Variants in NAALADL2 observed in about 807,000 individuals in gnomAD.
NAALADL2 encodes the protein inactive N-acetylated-alpha-linked acidic dipeptidase-like protein 2.
In NAALADL2, 76 loss-of-function variants were observed where a neutral mutation model predicts 87.2. The observed-to-expected ratio is 0.87, with a 90% CI of 0.72 to 1.05. The LOEUF (loss-of-function observed/expected upper bound fraction) is 1.05, where lower values mean the gene tolerates loss of function less well. NAALADL2 is among the 50% of genes least tolerant of loss of function. The probability of loss-of-function intolerance (pLI) is 0.00; values close to 1 mark genes in which losing one functional copy is unlikely to be tolerated. For missense variants in NAALADL2, 1,089 were observed against 945.8 expected, an observed-to-expected ratio of 1.15 and a Z score of -1.99; for synonymous variants, 354 against 331.0, an observed-to-expected ratio of 1.07 and a Z score of -0.75.
chr3:174,561,006 A>G (rs753560905), intron 2 of NAALADL2, among the ~76,000 whole-genome samples: 4 of 152,156 alleles, frequency 2.6e-5, no homozygotes, highest in Non-Finnish European at 5.9e-5. Flanking sequence ...GGCTTAATTC[A>G]GGACAATGGT....
At position 174,944,438 on chromosome 3, in the gene NAALADL2, C is replaced by T. The variant is rs145502400; in HGVS notation, c.43+84988C>T. Among the ~76,000 whole-genome samples the T allele has an allele frequency of 5.3e-5, 8 of 152,248 alleles. No homozygotes were observed. The South Asian group carries it at 8.3e-4, about 16-fold the overall frequency. On this transcript the variant is annotated intron_variant, in intron 1 of 13. Coordinates refer to ENST00000454872, the MANE Select transcript of NAALADL2 (RefSeq NM_207015.3). The stretch of plus-strand genomic sequence containing the variant: ...CAAAGATGTTGGCCCACCCCTCCCC[C>T]GGGAGCTCTGTCTCAGGGAGGTACA...
At chr3:174,471,202 T>G (rs922127149) in intron 1 of NAALADL2, among the ~76,000 whole-genome samples, 3 of 151,956 alleles carry the variant, frequency 2.0e-5, no homozygotes, top group African/African-American at 4.8e-5. Context: ...GGTTAAAACC[T>G]TACTTTTTTT....
intron 1 of NAALADL2, among the ~76,000 whole-genome samples, chr3:174,531,507 A>T (rs1229701919): frequency 1.3e-5 from 2 of 152,162 alleles, no homozygotes; most frequent in African/African-American, 4.8e-5. Context: ...TTGTGGGTAG[A>T]ATTTATCAGG....
chr3:175,390,688 T>TA lies in NAALADL2; in HGVS notation c.1091-56536dup, dbSNP rs1290437306. Among the ~76,000 whole-genome samples, 18 of 152,260 alleles carry TA rather than the reference T, an allele frequency of 1.2e-4. 1 individual carries two copies. In the South Asian group the frequency reaches 3.7e-3, roughly 32 times the overall value. On this transcript the variant is annotated intron_variant, in intron 5 of 13. Coordinates refer to ENST00000454872, the MANE Select transcript of NAALADL2 (RefSeq NM_207015.3). Reference sequence around the variant, plus strand: ...TCTCCAAGAGTAGCTTTTTTTCTGGTAAAAAGACATTTTTATAAATAGAAA... The same window carrying TA: ...TCTCCAAGAGTAGCTTTTTTTCTGGTAAAAAAGACATTTTTATAAATAGAAA...
At chr3:174,770,413 C>T (rs567420291) in intron 3 of NAALADL2, among the ~76,000 whole-genome samples, 20 of 152,176 alleles carry the variant, frequency 1.3e-4, no homozygotes, top group African/African-American at 4.8e-4. Flanking sequence ...TTGGGTTATT[C>T]TGTTACTTCT....
chr3:175,540,107 A>T (rs1271496481), intron 9 of NAALADL2, among the ~76,000 whole-genome samples: 1 of 152,190 alleles, frequency 6.6e-6, no homozygotes, highest in Non-Finnish European at 1.5e-5. Context: ...ATAGGGGATT[A>T]CTTTGACTTC....
At chr3:175,518,451 A>C (rs35924030) in intron 9 of NAALADL2, among the ~76,000 whole-genome samples, 12,836 of 152,278 alleles carry the variant, frequency 0.084, 715 homozygotes, top group South Asian at 0.13. Flanking sequence ...AAATATGTAT[A>C]CATACTGTCT....
At chr3:175,300,829 G>A (rs765838641) in intron 4 of NAALADL2, among the ~76,000 whole-genome samples, 12 of 149,322 alleles carry the variant, frequency 8.0e-5, no homozygotes, top group South Asian at 2.1e-4. Flanking sequence ...TGCAACCTCC[G>A]CCTCCCAGGT....
intron 10 of NAALADL2, among the ~76,000 whole-genome samples, chr3:175,586,250 G>T (rs1440295051): frequency 6.6e-6 from 1 of 150,754 alleles, no homozygotes; most frequent in East Asian, 1.9e-4. Flanking sequence ...ATAAGCAAAT[G>T]TTTCTGTACA....
chr3:175,035,003 AG>A (rs1413243109), intron 1 of NAALADL2, among the ~76,000 whole-genome samples: 1 of 152,174 alleles, frequency 6.6e-6, no homozygotes, highest in Non-Finnish European at 1.5e-5. Context: ...GGCATATTGT[AG>A]GTATTCAAGA....
At chr3:175,059,191 C>A (rs1294326841) in intron 1 of NAALADL2, among the ~76,000 whole-genome samples, 1 of 150,430 alleles carries the variant, frequency 6.6e-6, no homozygotes, top group African/African-American at 2.5e-5. Flanking sequence ...ATCTTTTATT[C>A]ATCTCTTTTT....
intron 1 of NAALADL2, among the ~76,000 whole-genome samples, chr3:174,526,645 G>A (rs1720777595): frequency 6.6e-6 from 1 of 150,614 alleles, no homozygotes; most frequent in African/African-American, 2.4e-5. Flanking sequence ...CTTAATAATT[G>A]TATTTGGTAA....
intron 11 of NAALADL2, among the ~76,000 whole-genome samples, chr3:175,679,600 A>C (rs1259996735): frequency 6.6e-6 from 1 of 152,164 alleles, no homozygotes; most frequent in East Asian, 1.9e-4. Flanking sequence ...ATATCTGCTT[A>C]TTTTAACTTA....
chr3:174,757,106 A>C (rs1293793385), intron 3 of NAALADL2, among the ~76,000 whole-genome samples: 1 of 152,204 alleles, frequency 6.6e-6, no homozygotes, highest in African/African-American at 2.4e-5. Flanking sequence ...TGAATGCAAC[A>C]AAATTTTGTG....
intron 6 of NAALADL2, among the ~76,000 whole-genome samples, chr3:175,452,755 G>A (rs1052681836): frequency 6.6e-6 from 1 of 152,148 alleles, no homozygotes; most frequent in African/African-American, 2.4e-5. Context: ...TTCATGAGCT[G>A]CCAGTCGGAA....
At chr3:175,458,877 T>C (rs745481999) in intron 6 of NAALADL2, among the ~76,000 whole-genome samples, 8 of 152,130 alleles carry the variant, frequency 5.3e-5, no homozygotes, top group Non-Finnish European at 8.8e-5. Context: ...GCTCTAACAC[T>C]ATATGCTATT....
At chr3:174,590,047 G>A (rs1440476808) in intron 2 of NAALADL2, among the ~76,000 whole-genome samples, 1 of 152,012 alleles carries the variant, frequency 6.6e-6, no homozygotes, top group Non-Finnish European at 1.5e-5. Context: ...AGGAGGAAAA[G>A]CAGAATTCTT....
intron 9 of NAALADL2, among the ~76,000 whole-genome samples, chr3:175,569,213 C>T (rs1717662750): frequency 6.6e-6 from 1 of 152,200 alleles, no homozygotes; most frequent in South Asian, 2.1e-4. Flanking sequence ...CATGTTCACA[C>T]TGCCCAGGAC....
intron 1 of NAALADL2, among the ~76,000 whole-genome samples, chr3:174,458,805 C>CA: frequency 6.6e-6 from 1 of 152,274 alleles, no homozygotes; most frequent in South Asian, 2.1e-4. Context: ...CCTAATAGCC[C>CA]AATGAATAAG....
Sources: allele counts gnomAD v4.1 joint callset (sites outside exome capture counted in the v4.1 genomes callset), GRCh38; gene constraint gnomAD v4.1.1; transcripts MANE v1.5; gene names NCBI Gene and HGNC (gene_info 2026-07-23, HGNC 2026-07-21).